AGBL1: variants seen among roughly 807,000 people sequenced by gnomAD.
AGBL1 encodes the protein cytosolic carboxypeptidase 4.
AGBL1 carries 130 observed loss-of-function variants against 118.9 expected under a neutral mutation model. That is an observed-to-expected ratio of 1.09 (90% CI 0.95 to 1.26). The LOEUF (loss-of-function observed/expected upper bound fraction) is 1.26, where lower values mean the gene tolerates loss of function less well. Among genes scored for constraint, AGBL1 ranks in the 50% most tolerant of loss-of-function variants. AGBL1 has a pLI of 0.00. For missense variants in AGBL1, 1,584 were observed against 1,298.1 expected, an observed-to-expected ratio of 1.22 and a Z score of -3.38; for synonymous variants, 555 against 478.9, an observed-to-expected ratio of 1.16 and a Z score of -2.08.
chr15:86,502,709 T>G (rs1253930313), intron 18 of AGBL1, among the ~76,000 whole-genome samples: 1 of 151,494 alleles, frequency 6.6e-6, no homozygotes, highest in Non-Finnish European at 1.5e-5. Flanking sequence ...TAACATGGTG[T>G]ATTACATTGA....
At chr15:87,019,202 GACAT>G (rs2081637867) in intron 24 of AGBL1, among the ~76,000 whole-genome samples, 1 of 151,924 alleles carries the variant, frequency 6.6e-6, no homozygotes, top group African/African-American at 2.4e-5. Context: ...GACGTTATTA[GACAT>G]ATCATCAAGG....
intron 5 of AGBL1, among the ~76,000 whole-genome samples, chr15:86,182,170 G>A (rs1044235949): frequency 3.9e-5 from 6 of 152,048 alleles, no homozygotes; most frequent in African/African-American, 1.2e-4. Context: ...CATTTGAGAC[G>A]AGTGGTAATG....
At chr15:86,674,552 A>G (rs1201311651) in intron 22 of AGBL1, 116 bp downstream of exon 22, 1 of 1,068,488 alleles carries the variant, frequency 9.4e-7, no homozygotes, top group Non-Finnish European at 1.3e-6. Context: ...AATATGGAAG[A>G]ATTCCCAAGT....
intron 22 of AGBL1, among the ~76,000 whole-genome samples, chr15:86,826,948 G>T (rs190928482): frequency 6.6e-6 from 1 of 151,872 alleles, no homozygotes; most frequent in Non-Finnish European, 1.5e-5. Context: ...TAATCTGGAT[G>T]TCTCAACCTG....
chr15:86,383,170 C>A (rs1158858937), intron 17 of AGBL1, among the ~76,000 whole-genome samples: 1 of 142,546 alleles, frequency 7.0e-6, no homozygotes, highest in African/African-American at 2.6e-5. Flanking sequence ...TCTTAAATAG[C>A]CGGAGCTGGA....
Position 86,114,163 on chromosome 15 carries a change from A to G in AGBL1, c.52-27841A>G, listed in dbSNP as rs138654213. 7.9e-5 allele frequency among the ~76,000 whole-genome samples: 12 copies of G among 152,364 alleles called. No individual in the cohort carries two copies. In the East Asian group the frequency reaches 1.7e-3, roughly 22 times the overall value. ...GTTTCTAGTCTTGTTGAACAATCCA[A>G]TTAAGGGACTCTTTATATATAACAT... On this transcript the variant is annotated intron_variant, in intron 1 of 22. Transcript: ENST00000614907.
intron 19 of AGBL1, among the ~76,000 whole-genome samples, chr15:86,529,306 A>T (rs1483900144): frequency 7.4e-6 from 1 of 135,380 alleles, no homozygotes; most frequent in Non-Finnish European, 1.5e-5. Context: ...AACTACGTGA[A>T]GAATGCAGAA....
intron 22 of AGBL1, among the ~76,000 whole-genome samples, chr15:86,887,098 G>A (rs182642317): frequency 6.6e-6 from 1 of 152,246 alleles, no homozygotes; most frequent in African/African-American, 2.4e-5. Flanking sequence ...CAATTAGACT[G>A]TTTATGTAAG....
At chr15:86,384,296 G>A (rs1308686718) in intron 17 of AGBL1, among the ~76,000 whole-genome samples, 4 of 152,140 alleles carry the variant, frequency 2.6e-5, no homozygotes, top group Admixed American at 2.6e-4. Context: ...AGATCTAGGG[G>A]CAAAGGAGCT....
intron 21 of AGBL1, among the ~76,000 whole-genome samples, chr15:86,662,884 C>T (rs913627784): frequency 2.6e-5 from 4 of 152,130 alleles, no homozygotes; most frequent in Non-Finnish European, 5.9e-5. Flanking sequence ...TGGCAGACAC[C>T]ATATGGAAGA....
chr15:86,497,202 C>T (rs1255875779), intron 18 of AGBL1, among the ~76,000 whole-genome samples: 3 of 151,908 alleles, frequency 2.0e-5, no homozygotes, highest in Non-Finnish European at 4.4e-5. Flanking sequence ...ATAAATTTTG[C>T]ATCTCGCTTC....
intron 17 of AGBL1, among the ~76,000 whole-genome samples, chr15:86,383,247 TAAAAAAAAAAAA>T (rs4035838): frequency 3.9e-4 from 21 of 54,480 alleles, no homozygotes; most frequent in East Asian, 1.2e-3. Context: ...ATTCAGTATG[TAAAAAAAAAAAA>T]AAAAAAAAAA....
At chr15:86,422,341 A>G (rs1426019148) in intron 18 of AGBL1, among the ~76,000 whole-genome samples, 1 of 152,230 alleles carries the variant, frequency 6.6e-6, no homozygotes, top group Non-Finnish European at 1.5e-5. Flanking sequence ...CTGCTCCTGA[A>G]TGACTACTGG....
chr15:86,264,862 G>T (rs762232103), intron 11 of AGBL1, 24 bp downstream of exon 11: 2 of 1,538,816 alleles, frequency 1.3e-6, no homozygotes, highest in Admixed American at 4.4e-5. Context: ...TGACTTGGGA[G>T]CTCTTTTTTT....
At chr15:86,984,890 C>G (rs145516567) in intron 23 of AGBL1, among the ~76,000 whole-genome samples, 1 of 152,154 alleles carries the variant, frequency 6.6e-6, no homozygotes, top group Non-Finnish European at 1.5e-5. Context: ...TCCATCCCTG[C>G]CTCCACTCCT....
At chr15:86,298,938 TC>T (rs150212819) in intron 17 of AGBL1, among the ~76,000 whole-genome samples, 2,089 of 152,314 alleles carry the variant, frequency 0.014, 56 homozygotes, top group African/African-American at 0.045. Flanking sequence ...TTTTAGTTCC[TC>T]CCAGGGTCTG....
chr15:86,152,059 C>T (rs143014969), intron 3 of AGBL1, among the ~76,000 whole-genome samples: 38 of 152,128 alleles, frequency 2.5e-4, no homozygotes, highest in Admixed American at 4.6e-4. Flanking sequence ...CTTGTAGATA[C>T]GACAAATCAA....
At chr15:86,162,054 A>G (rs1438161254) in intron 5 of AGBL1, among the ~76,000 whole-genome samples, 2 of 152,174 alleles carry the variant, frequency 1.3e-5, no homozygotes, top group African/African-American at 4.8e-5. Flanking sequence ...GAGGCTGGGG[A>G]AGAGTCTGGA....
At chr15:86,206,269 A>G (rs1567125463) in intron 5 of AGBL1, among the ~76,000 whole-genome samples, 1 of 152,226 alleles carries the variant, frequency 6.6e-6, no homozygotes. Flanking sequence ...TGTTGCATTA[A>G]ACATACATGT....
Sources: gnomAD v4.1 joint callset for allele counts (sites outside exome capture counted in the v4.1 genomes callset) on GRCh38, gnomAD v4.1.1 for gene constraint, MANE v1.5 for transcripts, NCBI Gene and HGNC (gene_info 2026-07-23, HGNC 2026-07-21) for gene names.